The following SGSM2 variants were observed in gnomAD, a reference collection of about 807,000 sequenced individuals.
SGSM2 encodes RUN and TBC1 domain containing 1.
A neutral mutation model predicts 126.6 loss-of-function variants in SGSM2; 89 were observed. That is an observed-to-expected ratio of 0.70 (90% CI 0.59 to 0.84). SGSM2 has a LOEUF of 0.84. SGSM2 is among the 40% of genes least tolerant of loss of function. The pLI is 0.00. For synonymous variants in SGSM2, 614 were observed against 574.3 expected, an observed-to-expected ratio of 1.07 and a Z score of -0.99; for missense variants, 1,404 against 1,416.6, an observed-to-expected ratio of 0.99 and a Z score of 0.14.
chr17:2,354,407 T>G (rs1219710377), intron 2 of SGSM2, among the ~76,000 whole-genome samples: 1 of 152,220 alleles, frequency 6.6e-6, no homozygotes, highest in African/African-American at 2.4e-5. Context: ...TTTTTGTAAT[T>G]AAAAGGTGTC....
rs2066364742 is a variant in SGSM2 at position 2,380,398 on chromosome 17, G to C, written c.*878G>C. On this transcript the variant is annotated 3_prime_UTR_variant, in exon 24 of 24. Coordinates refer to ENST00000268989, the MANE Select transcript of SGSM2 (RefSeq NM_014853.3). ...AGAATCCGGTCACAGCCTCCCCTCA[G>C]AGACAGGCCTCAGTTCGAGGGCAGC... is the stretch of plus-strand genomic sequence containing the variant. 1.7e-6 allele frequency: 2 copies of C among 1,197,636 alleles called. No homozygotes were observed. The highest frequency in any genetic ancestry group is 2.4e-6 in the Non-Finnish European group (2 of 839,860). The allele number at this position is 1,197,636 out of a possible 1,614,324, so 74.2% of individuals were successfully genotyped here.
intron 2 of SGSM2, among the ~76,000 whole-genome samples, chr17:2,357,442 G>A (rs977227341): frequency 5.9e-5 from 9 of 152,126 alleles, no homozygotes; most frequent in Non-Finnish European, 1.3e-4. Context: ...GCCATAAAAA[G>A]GAATACATTC....
At chr17:2,361,131 G>A (rs2065291987) in intron 2 of SGSM2, among the ~76,000 whole-genome samples, 1 of 152,236 alleles carries the variant, frequency 6.6e-6, no homozygotes, top group South Asian at 2.1e-4. Context: ...ATGGAAAAGA[G>A]AAATCTCTCC....
In SGSM2 at chr17:2,345,552, C is replaced by T. The variant is rs1302879309; in HGVS notation, c.133+1932C>T. On this transcript the variant is annotated intron_variant, in intron 2 of 23. Transcript: ENST00000268989. The stretch of plus-strand genomic sequence containing the variant: ...CGGAGCTTGCAGTGAGCCAAGATCG[C>T]GCCACTGCACTCCAGCCTGGGTGAC... Among the ~76,000 whole-genome samples the T allele has an allele frequency of 6.1e-5, 9 of 147,748 alleles. No homozygotes were observed. In the South Asian group the frequency reaches 1.1e-3, roughly 18 times the overall value.
chr17:2,344,780 C>G (rs1432884553), intron 2 of SGSM2, among the ~76,000 whole-genome samples: 1 of 152,202 alleles, frequency 6.6e-6, no homozygotes, highest in Admixed American at 6.5e-5. Context: ...GGTTTGAATC[C>G]TGGCGTCCTG....
At chr17:2,360,536 T>G (rs890779344) in intron 2 of SGSM2, among the ~76,000 whole-genome samples, 3 of 152,208 alleles carry the variant, frequency 2.0e-5, no homozygotes, top group Admixed American at 2.0e-4. Flanking sequence ...AGTCAGGAAC[T>G]GACCTAGACC....
chr17:2,377,498 A>AAGAAAAAAAAGAAAAAAAAAAAAC (rs1567852754), intron 21 of SGSM2: 3 of 188,086 alleles, frequency 1.6e-5, no homozygotes, highest in East Asian at 1.5e-4. Context: ...AAAAAAAAAA[A>AAGAAAAAAAAGAAAAAAAAAAAAC]AACCATGGTT....
In SGSM2 at chr17:2,362,764, C is replaced by G. The variant is rs2065375221; in HGVS notation, c.459-74C>G. ...CTGAATCTGGTCTTTGTGGGGATGT[C>G]CCTACCTGGTGAGCTTGACTGCCCT... On this transcript the variant is annotated intron_variant, in intron 4 of 23. Coordinates refer to ENST00000268989, the MANE Select transcript of SGSM2 (RefSeq NM_014853.3). The surrounding 1 kb of genome is among the most constrained non-coding windows in gnomAD (Gnocchi z 4.9). 6.9e-7 allele frequency: 1 copy of G among 1,458,834 alleles called. No homozygotes were observed. The highest frequency in any genetic ancestry group is 9.6e-7 in the Non-Finnish European group (1 of 1,044,412). 90.4% of individuals were successfully genotyped at this position (1,458,834 alleles called of 1,614,324 possible).
At position 2,379,530 on chromosome 17, in the gene SGSM2, A is replaced by G. The variant is rs2066328855; in HGVS notation, c.*10A>G. The G allele has an allele frequency of 6.2e-7, 1 of 1,608,644 alleles. No homozygotes were observed. The highest frequency in any genetic ancestry group is 8.5e-7 in the Non-Finnish European group (1 of 1,176,196). Reference sequence around the variant, plus strand: ...CATAGAGAACAAGTGAGCTGGGGCCAGGAGGCAGCAGCCGTGCAGAGCCTG... The same window carrying G: ...CATAGAGAACAAGTGAGCTGGGGCCGGGAGGCAGCAGCCGTGCAGAGCCTG... On this transcript the variant is annotated 3_prime_UTR_variant, in exon 24 of 24. Coordinates refer to ENST00000268989, the MANE Select transcript of SGSM2 (RefSeq NM_014853.3).
chr17:2,361,859 A>G, intron 3 of SGSM2, 60 bp downstream of exon 3: 8 of 1,524,486 alleles, frequency 5.2e-6, no homozygotes, highest in Non-Finnish European at 7.0e-6. Context: ...GGCAATTGCT[A>G]CTTCCTAGGA....
rs199703327 is a variant in SGSM2, at chr17:2,367,307, C to T, written c.1325C>T (p.Ala442Val). ...INYHHLAASR[A>V]ASVDDDEEEE... ...TACCACCACCTAGCGGCCAGCCGCG[C>T]GGCCTCGGTGGACGATGATGAGGAA... The change falls in exon 12 of 24, where the codon GCG (alanine) becomes GTG (valine). Residue 442 changes from alanine (A) to valine (V), a missense_variant. Physicochemically the swap from Ala to Val is moderately conservative, Grantham distance 64. Coordinates refer to ENST00000268989, the MANE Select transcript of SGSM2 (RefSeq NM_014853.3). The surrounding 1 kb of genome is among the most constrained non-coding windows in gnomAD (Gnocchi z 4.0). 1.7e-5 allele frequency: 27 copies of T among 1,614,088 alleles called. No individual in the cohort carries two copies. Among genetic ancestry groups the T allele is most frequent in the East Asian group, 4.5e-5 (2 of 44,882 alleles).
At chr17:2,339,053 C>T (rs1319405009) in intron 1 of SGSM2, among the ~76,000 whole-genome samples, 2 of 149,978 alleles carry the variant, frequency 1.3e-5, no homozygotes, top group African/African-American at 2.5e-5. Context: ...AGTGAGACTC[C>T]GTCTCAAAAA....
intron 2 of SGSM2, among the ~76,000 whole-genome samples, chr17:2,345,738 G>A (rs1308327731): frequency 3.3e-5 from 5 of 152,062 alleles, no homozygotes; most frequent in Non-Finnish European, 5.9e-5. Flanking sequence ...GTACAGTCAC[G>A]GAGAACAGGA....
Position 2,362,735 on chromosome 17 carries a change from T to C in SGSM2, c.459-103T>C. 8.6e-7 allele frequency: 1 copy of C among 1,161,714 alleles called. No homozygotes were observed. The allele number at this position is 1,161,714 out of a possible 1,614,324, so 72.0% of individuals were successfully genotyped here. On this transcript the variant is annotated intron_variant, in intron 4 of 23. Coordinates refer to ENST00000268989, the MANE Select transcript of SGSM2 (RefSeq NM_014853.3). The surrounding 1 kb of genome is among the most constrained non-coding windows in gnomAD (Gnocchi z 4.9). ...TAAGGACTCACTGTTTCTTGATGAC[T>C]GATCTGAATCTGGTCTTTGTGGGGA... is the stretch of plus-strand genomic sequence containing the variant.
chr17:2,378,062 G>A, intron 22 of SGSM2, 109 bp downstream of exon 22: 1 of 674,240 alleles, frequency 1.5e-6, no homozygotes, highest in South Asian at 1.8e-5. Flanking sequence ...CACCTGGGGA[G>A]CTTTAAAACC....
intron 2 of SGSM2, among the ~76,000 whole-genome samples, chr17:2,351,591 G>C (rs1206891085): frequency 6.6e-6 from 1 of 152,178 alleles, no homozygotes; most frequent in East Asian, 1.9e-4. Context: ...ATCTCCAGCA[G>C]GACAAGGACA....
At chr17:2,378,025 T>C in intron 22 of SGSM2, 72 bp downstream of exon 22, 1 of 983,386 alleles carries the variant, frequency 1.0e-6, no homozygotes, top group Non-Finnish European at 1.6e-6. Flanking sequence ...AAGCCAACAG[T>C]TCTCAATCCT....
chr17:2,367,177 C>T lies in SGSM2; in HGVS notation c.1289-94C>T. 1 of 1,397,516 alleles carries T rather than the reference C, an allele frequency of 7.2e-7. No homozygotes were observed. The highest frequency in any genetic ancestry group is 9.6e-7 in the Non-Finnish European group (1 of 1,039,204). 86.6% of individuals were successfully genotyped at this position (1,397,516 alleles called of 1,614,324 possible). On this transcript the variant is annotated intron_variant, in intron 11 of 23. Coordinates refer to ENST00000268989, the MANE Select transcript of SGSM2 (RefSeq NM_014853.3). This position sits in a 1 kb window ranked among gnomAD's most constrained non-coding sequence, Gnocchi z 4.0. Reference sequence around the variant, plus strand: ...CTGTGCCCTGCAGATTCACGATGACCCCGGCCTCCATTCCACTCCCCTTAA... The same window carrying T: ...CTGTGCCCTGCAGATTCACGATGACTCCGGCCTCCATTCCACTCCCCTTAA...
In SGSM2 at chr17:2,373,324, A is replaced by G. The variant is rs765774705; in HGVS notation, c.1918-7A>G. Reference sequence around the variant, plus strand: ...TCCCCCATGGTCGTGGTGTGGTCTGAGTACAGGTGGACGCAGTGGTGGCAG... The same window carrying G: ...TCCCCCATGGTCGTGGTGTGGTCTGGGTACAGGTGGACGCAGTGGTGGCAG... On this transcript the variant is annotated splice_region_variant and splice_polypyrimidine_tract_variant and intron_variant, in intron 16 of 23. Coordinates refer to ENST00000268989, the MANE Select transcript of SGSM2 (RefSeq NM_014853.3). The G allele has an allele frequency of 1.2e-6, 2 of 1,610,700 alleles. No homozygotes were observed. Among genetic ancestry groups the G allele is most frequent in the Non-Finnish European group, 1.7e-6 (2 of 1,178,912 alleles).
Sources: gnomAD v4.1 joint callset for allele counts (sites outside exome capture counted in the v4.1 genomes callset) on GRCh38, gnomAD v4.1.1 for gene constraint, Gnocchi (gnomAD v3.1) non-coding constraint, MANE v1.5 for transcripts, NCBI Gene and HGNC (gene_info 2026-07-23, HGNC 2026-07-21) for gene names.